RPSA2: variants seen among roughly 807,000 people sequenced by gnomAD.
The protein encoded by RPSA2 is ribosomal protein SA 2.
the RPSA2 span, among the ~76,000 whole-genome samples, chr19:23,761,919 T>TC: frequency 0.014 from 302 of 20,840 alleles, 4 homozygotes; most frequent in Middle Eastern, 0.029. Context: ...TTTCTTTCTT[T>TC]CTTTTTTTTT....
chr19:23,846,509 T>C, the RPSA2 span, among the ~76,000 whole-genome samples: 1 of 152,218 alleles, frequency 6.6e-6, no homozygotes, highest in Non-Finnish European at 1.5e-5. Context: ...CAATCTTTTG[T>C]TTTTATATTG....
chr19:23,829,119 C>A, the RPSA2 span, among the ~76,000 whole-genome samples: 2 of 152,120 alleles, frequency 1.3e-5, no homozygotes, highest in Non-Finnish European at 2.9e-5. Context: ...ACTCTTTCTG[C>A]TCTTATTTGA....
the RPSA2 span, among the ~76,000 whole-genome samples, chr19:23,759,276 GC>G: frequency 2.0e-5 from 3 of 152,116 alleles, no homozygotes; most frequent in African/African-American, 7.2e-5. Flanking sequence ...TACCCCGACA[GC>G]CCCCAGCCCA....
At chr19:23,783,557 G>A in the RPSA2 span, among the ~76,000 whole-genome samples, 6 of 112,576 alleles carry the variant, frequency 5.3e-5, no homozygotes, top group Non-Finnish European at 7.7e-5. Flanking sequence ...AAAAAAAAAA[G>A]ATTGTGACAG....
At chr19:23,839,196 A>G in the RPSA2 span, among the ~76,000 whole-genome samples, 2 of 152,168 alleles carry the variant, frequency 1.3e-5, no homozygotes. Flanking sequence ...TTTTAACGCA[A>G]TGCTCATTAA....
chr19:23,855,965 C>T, the RPSA2 span, among the ~76,000 whole-genome samples: 41 of 152,060 alleles, frequency 2.7e-4, no homozygotes, highest in Non-Finnish European at 4.6e-4. Context: ...GCCGTGAGAG[C>T]CACAAGTATT....
the RPSA2 span, among the ~76,000 whole-genome samples, chr19:23,828,970 A>C: frequency 2.4e-5 from 3 of 127,178 alleles, no homozygotes; most frequent in African/African-American, 5.8e-5. Context: ...CACACACACA[A>C]ATTTGTCATA....
chr19:23,838,655 C>A, the RPSA2 span, among the ~76,000 whole-genome samples: 3 of 151,908 alleles, frequency 2.0e-5, no homozygotes, highest in Admixed American at 6.6e-5. Context: ...TGTATTTTTC[C>A]AGGAATTTAT....
At chr19:23,799,438 G>A in the RPSA2 span, 1 of 152,238 alleles carries the variant, frequency 6.6e-6, no homozygotes, top group Admixed American at 6.5e-5. Context: ...TTCCGTTATT[G>A]TGAAGGTGCA....
chr19:23,866,330 T>C, the RPSA2 span, among the ~76,000 whole-genome samples: 2 of 152,224 alleles, frequency 1.3e-5, no homozygotes, highest in African/African-American at 2.4e-5. Context: ...AGCTCTAGCC[T>C]ATGAAATGCA....
chr19:23,867,690 C>T, the RPSA2 span, among the ~76,000 whole-genome samples: 14 of 152,024 alleles, frequency 9.2e-5, 1 homozygote, highest in African/African-American at 9.7e-5. Flanking sequence ...ATTAGCCGGG[C>T]GTGGTGGCGG....
the RPSA2 span, among the ~76,000 whole-genome samples, chr19:23,766,871 A>T: frequency 6.7e-6 from 1 of 150,236 alleles, no homozygotes; most frequent in South Asian, 2.1e-4. Flanking sequence ...CAATTCTCCT[A>T]CCTCAGCGTC....
the RPSA2 span, among the ~76,000 whole-genome samples, chr19:23,776,351 A>G: frequency 1.3e-5 from 2 of 152,134 alleles, no homozygotes; most frequent in Non-Finnish European, 2.9e-5. Context: ...ATTTGGACAT[A>G]TCACTGTGCC....
At chr19:23,817,163 C>T in the RPSA2 span, among the ~76,000 whole-genome samples, 1 of 152,148 alleles carries the variant, frequency 6.6e-6, no homozygotes, top group Non-Finnish European at 1.5e-5. Context: ...GGGCGGATAA[C>T]CTGAGGTCAG....
chr19:23,823,314 C>T, the RPSA2 span, among the ~76,000 whole-genome samples: 1 of 152,134 alleles, frequency 6.6e-6, no homozygotes, highest in African/African-American at 2.4e-5. Flanking sequence ...ATTAAACCAT[C>T]CCCCTTGCAG....
the RPSA2 span, among the ~76,000 whole-genome samples, chr19:23,807,566 A>G: frequency 9.2e-5 from 14 of 152,192 alleles, no homozygotes; most frequent in African/African-American, 2.7e-4. Flanking sequence ...GTTAGTGTCT[A>G]TGCCCTCAAT....
the RPSA2 span, among the ~76,000 whole-genome samples, chr19:23,774,352 TCTC>T: frequency 5.3e-5 from 8 of 152,300 alleles, no homozygotes; most frequent in Non-Finnish European, 5.9e-5. Flanking sequence ...GTGACTCTCT[TCTC>T]CTGCCTGTTC....
the RPSA2 span, among the ~76,000 whole-genome samples, chr19:23,859,871 CCT>C: frequency 6.6e-6 from 1 of 152,032 alleles, no homozygotes; most frequent in Admixed American, 6.6e-5. Context: ...TTAGTAAAAC[CCT>C]GTTAGGGAAG....
At chr19:23,853,490 A>T in the RPSA2 span, among the ~76,000 whole-genome samples, 1 of 152,252 alleles carries the variant, frequency 6.6e-6, no homozygotes. Flanking sequence ...CTGATCAAAC[A>T]GGTGTTTCCA....
Sources: allele counts gnomAD v4.1 joint callset (sites outside exome capture counted in the v4.1 genomes callset), GRCh38; gene constraint gnomAD v4.1.1; transcripts MANE v1.5; gene names NCBI Gene and HGNC (gene_info 2026-07-23, HGNC 2026-07-21).